ANLN: variants seen among roughly 807,000 people sequenced by gnomAD.
ANLN encodes the protein anillin.
ANLN carries 59 observed loss-of-function variants against 135.1 expected under a neutral mutation model. That is an observed-to-expected ratio of 0.44 (90% CI 0.35 to 0.54). The LOEUF is 0.54. ANLN is among the 20% of genes least tolerant of loss of function. The pLI is 0.00. For missense variants in ANLN, 1,182 were observed against 1,340.0 expected (o/e 0.88, Z 1.84); for synonymous variants, 406 against 456.4 (o/e 0.89, Z 1.41).
chr7:36,439,141 A>G lies in ANLN; in HGVS notation c.2884-63A>G, dbSNP rs1057483704. On this transcript the variant is annotated intron_variant, in intron 20 of 23. Transcript: ENST00000265748. ...AGTCTCTGTTCATGATTTATACATG[A>G]TTTATCAAGAAAAATCACACTTTGA... is the stretch of plus-strand genomic sequence containing the variant. 79 of 938,454 alleles carry G rather than the reference A, an allele frequency of 8.4e-5. No homozygotes were observed. The African/African-American group carries it at 1.2e-3, about 15-fold the overall frequency. 58.1% of individuals were successfully genotyped at this position (938,454 alleles called of 1,614,324 possible). A position where few individuals can be genotyped will look rare whatever the true frequency, so the allele number is the denominator to read the frequency against.
intron 1 of ANLN, 136 bp downstream of exon 1, chr7:36,390,180 G>A (rs1786372236): frequency 3.4e-6 from 5 of 1,479,316 alleles, no homozygotes; most frequent in Admixed American, 2.0e-5. Context: ...TGTGCGGGCC[G>A]GGGTCGCCGC....
chr7:36,419,236 T>C lies in ANLN; in HGVS notation c.1634-8T>C. 6.2e-7 allele frequency: 1 copy of C among 1,602,492 alleles called. No homozygotes were observed. The highest frequency in any genetic ancestry group is 1.7e-5 in the Admixed American group (1 of 59,896). On this transcript the variant is annotated splice_polypyrimidine_tract_variant and splice_region_variant and intron_variant, in intron 9 of 23. Transcript: ENST00000265748. ...GTCACAGTGTCCACCTATTGAAATA[T>C]TTTTCAGAAGTGATACGTGAAATTG... is the stretch of plus-strand genomic sequence containing the variant.
chr7:36,415,608 G>A, intron 7 of ANLN, 150 bp from the exon 8 acceptor site: 2 of 781,686 alleles, frequency 2.6e-6, no homozygotes, highest in South Asian at 2.8e-5. Context: ...TCTGAACAAG[G>A]CTGGGCCTAT....
chr7:36,405,151 A>G (rs1462695037), intron 3 of ANLN, among the ~76,000 whole-genome samples: 4 of 152,212 alleles, frequency 2.6e-5, no homozygotes, highest in Non-Finnish European at 5.9e-5. Context: ...ATTGTGTTAC[A>G]GTTGCCTGCA....
intron 4 of ANLN, 42 bp downstream of exon 4, chr7:36,406,608 T>C (rs767979906): frequency 5.5e-6 from 8 of 1,467,890 alleles, no homozygotes; most frequent in Non-Finnish European, 7.2e-6. Flanking sequence ...CTTTTCTTTT[T>C]TCGTTATGAG....
intron 23 of ANLN, among the ~76,000 whole-genome samples, chr7:36,452,161 C>T (rs1270293277): frequency 2.0e-5 from 3 of 152,140 alleles, no homozygotes; most frequent in Non-Finnish European, 4.4e-5. Context: ...AGAAGTTGCC[C>T]ACACTCAGTG....
chr7:36,440,911 T>C (rs1459536811), intron 21 of ANLN, among the ~76,000 whole-genome samples: 1 of 152,172 alleles, frequency 6.6e-6, no homozygotes, highest in Non-Finnish European at 1.5e-5. Context: ...ATGTTACAAG[T>C]CAGTTTGTAA....
chr7:36,398,645 G>A (rs953842431), intron 2 of ANLN, among the ~76,000 whole-genome samples: 2 of 152,222 alleles, frequency 1.3e-5, no homozygotes, highest in South Asian at 4.2e-4. Flanking sequence ...AGTTATTGGG[G>A]TAGAGGTGGT....
intron 1 of ANLN, 84 bp downstream of exon 1, chr7:36,390,128 C>T (rs1786365145): frequency 6.2e-7 from 1 of 1,601,002 alleles, no homozygotes; most frequent in African/African-American, 1.3e-5. Context: ...CTGGGCGAAC[C>T]CCCACCGGGC....
At chr7:36,425,866 G>A in intron 18 of ANLN, 126 bp downstream of exon 18, 4 of 1,123,948 alleles carry the variant, frequency 3.6e-6, no homozygotes, top group Non-Finnish European at 5.2e-6. Context: ...ACTAATGGGG[G>A]GATATCCCTG....
intron 3 of ANLN, among the ~76,000 whole-genome samples, chr7:36,403,020 G>A (rs1280810244): frequency 6.6e-6 from 1 of 152,154 alleles, no homozygotes; most frequent in Non-Finnish European, 1.5e-5. Context: ...GGGAGGCTGA[G>A]GCAGGAGAAT....
intron 3 of ANLN, chr7:36,403,703 A>C (rs767971145): frequency 6.6e-6 from 1 of 152,306 alleles, no homozygotes. Flanking sequence ...GCTGGAGTGC[A>C]GTGGTAATGC....
At chr7:36,424,467 A>C in intron 15 of ANLN, 78 bp from the exon 16 acceptor site, 3 of 1,167,188 alleles carry the variant, frequency 2.6e-6, no homozygotes, top group Non-Finnish European at 3.7e-6. Flanking sequence ...GAGTCTTGTA[A>C]GAGTATTTGT....
At chr7:36,404,815 G>A (rs753816027) in intron 3 of ANLN, among the ~76,000 whole-genome samples, 2 of 152,182 alleles carry the variant, frequency 1.3e-5, no homozygotes, top group Non-Finnish European at 2.9e-5. Flanking sequence ...ATTATGGGGC[G>A]GGTGGCATAT....
chr7:36,394,146 C>G (rs1786596426), intron 1 of ANLN, among the ~76,000 whole-genome samples: 2 of 152,154 alleles, frequency 1.3e-5, no homozygotes, highest in South Asian at 4.1e-4. Flanking sequence ...GTATGTTTTG[C>G]AGAGACAGGA....
intron 1 of ANLN, among the ~76,000 whole-genome samples, chr7:36,394,961 CA>C (rs1275116212): frequency 1.3e-5 from 2 of 152,056 alleles, no homozygotes; most frequent in African/African-American, 4.8e-5. Flanking sequence ...GCTAAGATTT[CA>C]ATTTAAAACC....
intron 20 of ANLN, among the ~76,000 whole-genome samples, chr7:36,438,709 G>A (rs982613926): frequency 6.6e-6 from 1 of 152,160 alleles, no homozygotes; most frequent in Non-Finnish European, 1.5e-5. Context: ...TTTGCGTTAC[G>A]TTTTGAAATT....
intron 1 of ANLN, among the ~76,000 whole-genome samples, chr7:36,393,713 A>G (rs1786576125): frequency 1.3e-5 from 2 of 152,234 alleles, no homozygotes; most frequent in Admixed American, 6.5e-5. Flanking sequence ...TGGTCTTCTT[A>G]CTGAGATAGA....
At chr7:36,428,263 A>G (rs1423722195) in intron 20 of ANLN, 17 of 1,083,372 alleles carry the variant, frequency 1.6e-5, no homozygotes, top group Non-Finnish European at 2.0e-5. Flanking sequence ...CAGTTGAGTG[A>G]TCCTGGGTCT....
Sources: allele counts gnomAD v4.1 joint callset (sites outside exome capture counted in the v4.1 genomes callset), GRCh38; gene constraint gnomAD v4.1.1; transcripts MANE v1.5; gene names NCBI Gene and HGNC (gene_info 2026-07-23, HGNC 2026-07-21).